IKZF1: variants seen among roughly 807,000 people sequenced by gnomAD.
IKZF1 encodes the protein DNA-binding protein Ikaros.
IKZF1 carries 10 observed loss-of-function variants against 51.7 expected under a neutral mutation model. The observed-to-expected ratio is 0.19, with a 90% CI of 0.12 to 0.33. The LOEUF is 0.33. Among genes scored for constraint, IKZF1 ranks in the 10% least tolerant of loss-of-function variants. The pLI is 1.00. For missense variants in IKZF1, 484 were observed against 707.5 expected, an observed-to-expected ratio of 0.68 and a Z score of 3.58; for synonymous variants, 280 against 282.3, an observed-to-expected ratio of 0.99 and a Z score of 0.08.
intron 7 of IKZF1, among the ~76,000 whole-genome samples, chr7:50,396,430 C>T (rs4129077): frequency 0.013 from 2,024 of 152,046 alleles, 45 homozygotes; most frequent in African/African-American, 0.044. Context: ...TTTCCTCTTA[C>T]TCTGTTGCTT....
intron 3 of IKZF1, among the ~76,000 whole-genome samples, chr7:50,362,304 T>G (rs1805488113): frequency 6.6e-6 from 1 of 152,190 alleles, no homozygotes; most frequent in Non-Finnish European, 1.5e-5. Flanking sequence ...CTTCGGAAGG[T>G]CCACTCAACC....
intron 3 of IKZF1, among the ~76,000 whole-genome samples, chr7:50,361,465 A>G (rs746829607): frequency 2.6e-5 from 4 of 152,234 alleles, no homozygotes; most frequent in Non-Finnish European, 5.9e-5. Context: ...CTAAATTGTT[A>G]TATGGAGATC....
intron 3 of IKZF1, among the ~76,000 whole-genome samples, chr7:50,361,284 G>A (rs1463104155): frequency 1.3e-5 from 2 of 152,092 alleles, no homozygotes; most frequent in Non-Finnish European, 2.9e-5. Flanking sequence ...AAACTTGGGG[G>A]TAATTTCTAG....
chr7:50,351,496 C>T (rs1244984930), intron 3 of IKZF1, among the ~76,000 whole-genome samples: 1 of 152,204 alleles, frequency 6.6e-6, no homozygotes, highest in Non-Finnish European at 1.5e-5. Flanking sequence ...ATTTACCCCA[C>T]CTGAGATTTG....
chr7:50,396,370 A>G (rs996784312), intron 7 of IKZF1, among the ~76,000 whole-genome samples: 3 of 152,118 alleles, frequency 2.0e-5, no homozygotes, highest in African/African-American at 7.2e-5. Flanking sequence ...TAATTTTATA[A>G]TAATATTATT....
At chr7:50,326,411 C>T (rs1028895822) in intron 2 of IKZF1, among the ~76,000 whole-genome samples, 6 of 152,158 alleles carry the variant, frequency 3.9e-5, no homozygotes, top group African/African-American at 1.4e-4. Flanking sequence ...GTCTTCCACA[C>T]GTAGCTATAC....
At chr7:50,320,922 T>G (rs1427307483) in intron 2 of IKZF1, among the ~76,000 whole-genome samples, 6 of 152,234 alleles carry the variant, frequency 3.9e-5, no homozygotes, top group Non-Finnish European at 7.3e-5. Flanking sequence ...TCCATGTACT[T>G]CCACATACAG....
At chr7:50,377,011 T>C in intron 4 of IKZF1, 1 of 717,904 alleles carries the variant, frequency 1.4e-6, no homozygotes, top group Non-Finnish European at 2.2e-6. Flanking sequence ...TTCCACCCTA[T>C]AAATAAAACA....
chr7:50,399,758 G>GGT (rs2153517198), intron 7 of IKZF1, 160 bp from the exon 8 acceptor site: 4 of 1,131,650 alleles, frequency 3.5e-6, no homozygotes, highest in Non-Finnish European at 3.7e-6. Context: ...TGTGTCCGCA[G>GGT]GTGTGTGTGT....
At chr7:50,305,518 T>C (rs2153312090) in intron 1 of IKZF1, among the ~76,000 whole-genome samples, 1 of 152,310 alleles carries the variant, frequency 6.6e-6, no homozygotes, top group African/African-American at 2.4e-5. Flanking sequence ...AGGAACCTCG[T>C]GAGGGCTTGT....
intron 3 of IKZF1, among the ~76,000 whole-genome samples, chr7:50,374,641 C>T (rs1809705173): frequency 1.3e-5 from 2 of 152,198 alleles, no homozygotes; most frequent in African/African-American, 4.8e-5. Context: ...GTACTGGGAT[C>T]ACTGGGGGTG....
In IKZF1 at chr7:50,401,483, T is replaced by A. The variant is rs1478647286; in HGVS notation, c.*856T>A. 4.5e-6 allele frequency: 1 copy of A among 224,520 alleles called. No individual in the cohort carries two copies. 13.9% of individuals were successfully genotyped at this position (224,520 alleles called of 1,614,324 possible). A position where few individuals can be genotyped will look rare whatever the true frequency, so the allele number is the denominator to read the frequency against. On this transcript the variant is annotated 3_prime_UTR_variant, in exon 8 of 8. Transcript: ENST00000331340. Reference sequence around the variant, plus strand: ...TTTAATGGCCCCCAAAATCTGTCACTACAATTTAAACACCAGTCCCGAAAT... The same window carrying A: ...TTTAATGGCCCCCAAAATCTGTCACAACAATTTAAACACCAGTCCCGAAAT...
At chr7:50,308,037 T>C (rs1399376071) in intron 1 of IKZF1, among the ~76,000 whole-genome samples, 1 of 152,242 alleles carries the variant, frequency 6.6e-6, no homozygotes, top group East Asian at 1.9e-4. Context: ...CTGGAATATA[T>C]GTTTATGTCC....
At chr7:50,338,469 G>A (rs1031597824) in intron 3 of IKZF1, among the ~76,000 whole-genome samples, 6 of 152,218 alleles carry the variant, frequency 3.9e-5, no homozygotes, top group African/African-American at 9.6e-5. Context: ...CTGACATTTC[G>A]TTAACTTTCC....
chr7:50,330,110 G>GC (rs1796113936), intron 3 of IKZF1, among the ~76,000 whole-genome samples: 2 of 152,130 alleles, frequency 1.3e-5, no homozygotes, highest in African/African-American at 4.8e-5. Context: ...GGTCCCAGCT[G>GC]CCCCCAGCAC....
rs1226975576 is a variant in IKZF1, at chr7:50,400,251, A to G, written c.1184A>G (p.Gln395Arg). The change falls in exon 8 of 8, where the codon CAA (glutamine) becomes CGA (arginine). Residue 395 changes from glutamine (Q) to arginine (R), a missense_variant. This residue lies in a region of IKZF1 where 27 missense variants were observed against 56.8 expected (regional missense o/e 0.48). Coordinates refer to ENST00000331340, the MANE Select transcript of IKZF1 (RefSeq NM_006060.6). This position sits in a 1 kb window ranked among gnomAD's most constrained non-coding sequence, Gnocchi z 5.4. ...GAGGCGTCCCCGAGCAACAGCTGCCAAGACTCCACGGACACCGAGAGCAAC... is the reference window on the plus strand; with the variant it reads ...GAGGCGTCCCCGAGCAACAGCTGCCGAGACTCCACGGACACCGAGAGCAAC... ...EREASPSNSC[Q>R]DSTDTESNNE... The G allele has an allele frequency of 2.5e-6, 4 of 1,611,050 alleles. No homozygotes were observed. The East Asian group carries it at 8.9e-5, about 36-fold the overall frequency.
In IKZF1 at chr7:50,345,977, C is replaced by G. The variant is rs529373011; in HGVS notation, c.160+18220C>G. Among the ~76,000 whole-genome samples, 4 of 152,348 alleles carry G rather than the reference C, an allele frequency of 2.6e-5. No individual in the cohort carries two copies. The East Asian group carries it at 7.7e-4, about 29-fold the overall frequency. ...TCATGAAAATATTTAGCTTGATGCA[C>G]TGAAATCCATCACTGCTTTTGTGGG... is the stretch of plus-strand genomic sequence containing the variant. On this transcript the variant is annotated intron_variant, in intron 3 of 7. Transcript: ENST00000331340.
At chr7:50,305,150 G>A (rs1429974171) in intron 1 of IKZF1, among the ~76,000 whole-genome samples, 1 of 152,164 alleles carries the variant, frequency 6.6e-6, no homozygotes, top group East Asian at 1.9e-4. Context: ...CTTCTGAGCA[G>A]CCCCGCTGTC....
At position 50,404,312 on chromosome 7, in the gene IKZF1, G is replaced by A. The variant is rs1818634068; in HGVS notation, c.*3685G>A. On this transcript the variant is annotated 3_prime_UTR_variant, in exon 8 of 8. Transcript: ENST00000331340. ...CATATTTCCAGTCTGCCTCTATGAT[G>A]ATGTTAAATTATTGCTGTTTAGCTG... 1 of 223,976 alleles carries A rather than the reference G, an allele frequency of 4.5e-6. No individual in the cohort carries two copies. Among genetic ancestry groups the A allele is most frequent in the South Asian group, 1.8e-4 (1 of 5,466 alleles). 13.9% of individuals were successfully genotyped at this position (223,976 alleles called of 1,614,324 possible).
Sources: gnomAD v4.1 joint callset for allele counts (sites outside exome capture counted in the v4.1 genomes callset) on GRCh38, gnomAD v4.1.1 for gene constraint, gnomAD v4.1.1 regional missense constraint, Gnocchi (gnomAD v3.1) non-coding constraint, MANE v1.5 for transcripts, NCBI Gene and HGNC (gene_info 2026-07-23, HGNC 2026-07-21) for gene names.